Variants in ADAM10 observed in about 807,000 individuals in gnomAD.
ADAM10 encodes disintegrin and metalloproteinase domain-containing protein 10.
ADAM10 carries 17 observed loss-of-function variants against 90.1 expected under a neutral mutation model. The ratio of observed to expected loss-of-function variants is 0.19; its 90% CI spans 0.13 to 0.28. The LOEUF is 0.28. ADAM10 is among the 10% of genes least tolerant of loss of function. ADAM10 has a pLI of 1.00. For synonymous variants in ADAM10, 310 were observed against 298.6 expected (o/e 1.04, Z -0.40); for missense variants, 610 against 914.3 (o/e 0.67, Z 4.29).
chr15:58,609,353 C>A (rs763137207), intron 14 of ADAM10: 1 of 152,152 alleles, frequency 6.6e-6, no homozygotes, highest in South Asian at 2.1e-4. Context: ...CTAAAAACCA[C>A]ATATCCTAAT....
At chr15:58,616,317 T>C (rs150884816) in intron 11 of ADAM10, among the ~76,000 whole-genome samples, 9 of 152,192 alleles carry the variant, frequency 5.9e-5, no homozygotes, top group African/African-American at 2.2e-4. Flanking sequence ...CCAACAGCTG[T>C]GGCAGAATAC....
intron 10 of ADAM10, among the ~76,000 whole-genome samples, chr15:58,626,197 A>G (rs973948323): frequency 2.0e-5 from 3 of 152,220 alleles, no homozygotes; most frequent in Non-Finnish European, 4.4e-5. Context: ...GATTTTCTCA[A>G]TATCAACATC....
chr15:58,646,249 C>T, intron 5 of ADAM10, 45 bp from the exon 6 acceptor site: 3 of 1,566,706 alleles, frequency 1.9e-6, no homozygotes, highest in African/African-American at 1.4e-5. Context: ...TGCTTCAATA[C>T]TATCATTTTA....
At chr15:58,729,982 AAAAC>A (rs1355196184) in intron 1 of ADAM10, among the ~76,000 whole-genome samples, 11 of 136,606 alleles carry the variant, frequency 8.1e-5, no homozygotes, top group African/African-American at 2.9e-4. Flanking sequence ...AACAAAAACA[AAAAC>A]AAAACAAACA....
At chr15:58,599,875 T>A in intron 14 of ADAM10, 151 bp from the exon 15 acceptor site, 1 of 670,074 alleles carries the variant, frequency 1.5e-6, no homozygotes, top group Non-Finnish European at 2.4e-6. Context: ...TGTTAGATAT[T>A]TGCACATATA....
intron 1 of ADAM10, among the ~76,000 whole-genome samples, chr15:58,740,026 T>C (rs1345049992): frequency 6.6e-6 from 1 of 152,232 alleles, no homozygotes; most frequent in African/African-American, 2.4e-5. Context: ...TCCTAAAACA[T>C]GAAGACTAAG....
At chr15:58,698,724 TAA>T (rs1361181769) in intron 2 of ADAM10, among the ~76,000 whole-genome samples, 2 of 152,072 alleles carry the variant, frequency 1.3e-5, no homozygotes, top group Admixed American at 6.6e-5. Flanking sequence ...TTCACAACTT[TAA>T]GACAGGTATT....
chr15:58,691,976 G>C, intron 2 of ADAM10: 1 of 436,694 alleles, frequency 2.3e-6, no homozygotes, highest in Non-Finnish European at 4.6e-6. Flanking sequence ...ATGCCCAGCC[G>C]GCATTTCTTA....
intron 2 of ADAM10, among the ~76,000 whole-genome samples, chr15:58,716,654 CTT>C (rs1365837568): frequency 6.6e-6 from 1 of 152,120 alleles, no homozygotes; most frequent in Non-Finnish European, 1.5e-5. Flanking sequence ...TAATTGAAGA[CTT>C]TAGATCAATA....
chr15:58,624,011 G>A (rs1411197186), intron 10 of ADAM10, among the ~76,000 whole-genome samples: 7 of 149,334 alleles, frequency 4.7e-5, no homozygotes, highest in East Asian at 1.9e-4. Flanking sequence ...GGGGCCAGGC[G>A]AGGTGGCTCA....
chr15:58,681,532 T>C (rs1455927808), intron 3 of ADAM10, among the ~76,000 whole-genome samples: 2 of 152,214 alleles, frequency 1.3e-5, no homozygotes, highest in Non-Finnish European at 2.9e-5. Context: ...TACTTACTAA[T>C]GTACAGTTAT....
intron 2 of ADAM10, chr15:58,692,932 G>C (rs768498120): frequency 8.4e-6 from 6 of 711,990 alleles, no homozygotes; most frequent in African/African-American, 3.5e-5. Context: ...GCCAATGCCT[G>C]TGTTGACCAA....
chr15:58,665,895 C>T (rs1325925413), intron 4 of ADAM10, among the ~76,000 whole-genome samples: 1 of 148,882 alleles, frequency 6.7e-6, no homozygotes, highest in Non-Finnish European at 1.5e-5. Flanking sequence ...ATTCATTCAT[C>T]ATCATTCATC....
chr15:58,708,588 A>G (rs991145457), intron 2 of ADAM10, among the ~76,000 whole-genome samples: 1 of 152,180 alleles, frequency 6.6e-6, no homozygotes, highest in South Asian at 2.1e-4. Flanking sequence ...GCTTGAGCTC[A>G]GAAGTTTGAG....
intron 2 of ADAM10, among the ~76,000 whole-genome samples, chr15:58,698,561 G>C (rs1898044725): frequency 2.2e-5 from 3 of 135,302 alleles, no homozygotes; most frequent in East Asian, 2.0e-4. Flanking sequence ...GGGCAACAGA[G>C]TGAGACCTTG....
intron 2 of ADAM10, among the ~76,000 whole-genome samples, chr15:58,712,913 C>T (rs1013011710): frequency 2.0e-5 from 3 of 152,124 alleles, no homozygotes; most frequent in Admixed American, 6.6e-5. Context: ...TGATACATCA[C>T]GCACTTTCAC....
chr15:58,692,425 G>C (rs1285640950), intron 2 of ADAM10: 1 of 556,716 alleles, frequency 1.8e-6, no homozygotes, highest in Non-Finnish European at 3.6e-6. Flanking sequence ...ATTCTTATCA[G>C]TGTCATCCTC....
intron 11 of ADAM10, among the ~76,000 whole-genome samples, chr15:58,619,944 CCAAACAGT>C (rs1222305597): frequency 5.3e-5 from 8 of 151,644 alleles, no homozygotes; most frequent in Non-Finnish European, 1.0e-4. Context: ...AGCTACTAAG[CCAAACAGT>C]CAAGAAAAGT....
At chr15:58,740,797 T>C (rs1397742861) in intron 1 of ADAM10, among the ~76,000 whole-genome samples, 1 of 152,232 alleles carries the variant, frequency 6.6e-6, no homozygotes, top group African/African-American at 2.4e-5. Context: ...TGATTAATAT[T>C]AAAAAGTGAT....
Sources: gnomAD v4.1 joint callset for allele counts (sites outside exome capture counted in the v4.1 genomes callset) on GRCh38, gnomAD v4.1.1 for gene constraint, MANE v1.5 for transcripts, NCBI Gene and HGNC (gene_info 2026-07-23, HGNC 2026-07-21) for gene names.